Variants in CDH18 observed in about 807,000 individuals in gnomAD.
CDH18 encodes the protein cadherin 18.
In CDH18, 31 loss-of-function variants were observed where a neutral mutation model predicts 67.9. The ratio of observed to expected loss-of-function variants is 0.46; its 90% CI spans 0.34 to 0.62. CDH18 has a LOEUF of 0.62. CDH18 is among the 20% of genes least tolerant of loss of function. CDH18 has a pLI of 0.01. For missense variants in CDH18, 890 were observed against 975.5 expected, an observed-to-expected ratio of 0.91 and a Z score of 1.17; for synonymous variants, 362 against 347.2, an observed-to-expected ratio of 1.04 and a Z score of -0.48.
intron 1 of CDH18, among the ~76,000 whole-genome samples, chr5:20,544,601 C>G (rs1757236880): frequency 6.6e-6 from 1 of 152,056 alleles, no homozygotes; most frequent in African/African-American, 2.4e-5. Context: ...GAAAGTGCCA[C>G]ACTTTTAAAA....
chr5:20,110,515 A>G (rs1481499877), intron 2 of CDH18, among the ~76,000 whole-genome samples: 1 of 152,062 alleles, frequency 6.6e-6, no homozygotes, highest in Non-Finnish European at 1.5e-5. Flanking sequence ...AAACCCTATC[A>G]CTACTAAAAA....
At chr5:19,809,301 C>T (rs1778383967) in intron 3 of CDH18, among the ~76,000 whole-genome samples, 1 of 152,130 alleles carries the variant, frequency 6.6e-6, no homozygotes, top group African/African-American at 2.4e-5. Flanking sequence ...TAACTAAGTA[C>T]ACGCTCTAGG....
chr5:19,550,457 C>A (rs1360518705), intron 8 of CDH18, among the ~76,000 whole-genome samples: 1 of 151,056 alleles, frequency 6.6e-6, no homozygotes, highest in Non-Finnish European at 1.5e-5. Flanking sequence ...TGTTCCCCTT[C>A]CTGTGTCCAT....
chr5:19,473,730 G>GA lies in CDH18; in HGVS notation c.1883-15dup. On this transcript the variant is annotated splice_polypyrimidine_tract_variant and intron_variant, in intron 12 of 12. Transcript: ENST00000382275. Reference sequence around the variant, plus strand: ...GTACCACAATTGCTGAGGAAGAATGGAAAAAGGATGAAGAATTAAGAAAAC... The same window carrying GA: ...GTACCACAATTGCTGAGGAAGAATGGAAAAAAGGATGAAGAATTAAGAAAAC... 6.4e-7 allele frequency: 1 copy of GA among 1,557,898 alleles called. No homozygotes were observed. The highest frequency in any genetic ancestry group is 8.7e-7 in the Non-Finnish European group (1 of 1,154,064).
chr5:19,992,687 A>G (rs1317661223), upstream of CDH18, among the ~76,000 whole-genome samples: 1 of 152,114 alleles, frequency 6.6e-6, no homozygotes, highest in Non-Finnish European at 1.5e-5. Context: ...TTTGCATTAC[A>G]TTCACAAATA....
At chr5:20,418,865 T>C (rs778878480) in intron 1 of CDH18, among the ~76,000 whole-genome samples, 10 of 152,058 alleles carry the variant, frequency 6.6e-5, no homozygotes, top group Non-Finnish European at 1.0e-4. Flanking sequence ...GGGAGATGAA[T>C]TGATCCTGAG....
intron 1 of CDH18, among the ~76,000 whole-genome samples, chr5:20,334,520 A>G (rs1739528380): frequency 6.6e-6 from 1 of 152,094 alleles, no homozygotes; most frequent in East Asian, 1.9e-4. Flanking sequence ...TAACTCAGGA[A>G]AAAACGATTG....
At chr5:19,853,665 A>T (rs966184494) in intron 2 of CDH18, among the ~76,000 whole-genome samples, 1 of 152,146 alleles carries the variant, frequency 6.6e-6, no homozygotes, top group Non-Finnish European at 1.5e-5. Context: ...CTCAGGTCTG[A>T]AACCTGTGTG....
intron 2 of CDH18, among the ~76,000 whole-genome samples, chr5:20,065,061 C>T (rs2150515048): frequency 6.6e-6 from 1 of 152,140 alleles, no homozygotes; most frequent in Non-Finnish European, 1.5e-5. Flanking sequence ...GATGCTTTCT[C>T]TCTTCTTGCA....
intron 2 of CDH18, among the ~76,000 whole-genome samples, chr5:20,200,553 G>A (rs1048737950): frequency 2.0e-5 from 3 of 152,076 alleles, no homozygotes; most frequent in African/African-American, 7.2e-5. Context: ...GTGTGTATCT[G>A]TAGTCTCAGC....
intron 2 of CDH18, among the ~76,000 whole-genome samples, chr5:20,078,836 G>A (rs1270789426): frequency 2.0e-5 from 3 of 152,068 alleles, no homozygotes; most frequent in African/African-American, 7.2e-5. Context: ...GGCTGGTCTT[G>A]AACTCCTGAT....
chr5:20,446,993 A>G (rs1425990573), intron 1 of CDH18, among the ~76,000 whole-genome samples: 3 of 152,148 alleles, frequency 2.0e-5, no homozygotes, highest in African/African-American at 7.2e-5. Flanking sequence ...TGAAAGTTAT[A>G]CCATTTGCTT....
chr5:20,019,086 C>CG (rs1561718499), intron 2 of CDH18, among the ~76,000 whole-genome samples: 4 of 142,332 alleles, frequency 2.8e-5, no homozygotes, highest in African/African-American at 1.1e-4. Context: ...CGTGAGCCAC[C>CG]GCGCCCGGCC....
intron 2 of CDH18, among the ~76,000 whole-genome samples, chr5:19,875,395 T>TACAG (rs1786828280): frequency 6.8e-5 from 10 of 147,638 alleles, no homozygotes; most frequent in Non-Finnish European, 1.3e-4. Flanking sequence ...CTTCCATGGG[T>TACAG]ATAGATAGAT....
intron 3 of CDH18, among the ~76,000 whole-genome samples, chr5:19,749,319 GTTATA>G (rs1182011136): frequency 4.0e-5 from 6 of 151,332 alleles, no homozygotes; most frequent in African/African-American, 7.3e-5. Flanking sequence ...TTATTATGTT[GTTATA>G]TTATATATAA....
Position 19,887,979 on chromosome 5 carries a change from T to C in CDH18, c.-256-48737A>G, listed in dbSNP as rs528087729. 8.5e-5 allele frequency among the ~76,000 whole-genome samples: 13 copies of C among 152,236 alleles called. No individual in the cohort carries two copies. The South Asian group carries it at 1.4e-3, about 17-fold the overall frequency. ...GTCAAAAAGGCCATGCATACACAAT[T>C]GCATGGTGTGGCCACCACCTATATC... is the stretch of plus-strand genomic sequence containing the variant. On this transcript the variant is annotated intron_variant, in intron 2 of 12. Transcript: ENST00000382275.
At chr5:19,614,403 T>C (rs941718762) in intron 5 of CDH18, among the ~76,000 whole-genome samples, 36 of 151,288 alleles carry the variant, frequency 2.4e-4, no homozygotes, top group Non-Finnish European at 4.1e-4. Flanking sequence ...TAATAAATGA[T>C]TCATCTAACT....
At chr5:19,841,303 G>A (rs957369868) in intron 2 of CDH18, among the ~76,000 whole-genome samples, 5 of 152,102 alleles carry the variant, frequency 3.3e-5, no homozygotes, top group Admixed American at 2.0e-4. Flanking sequence ...AAATATAAGA[G>A]AGAGCAATAC....
At chr5:20,437,623 G>T (rs923668538) in intron 1 of CDH18, among the ~76,000 whole-genome samples, 1 of 151,270 alleles carries the variant, frequency 6.6e-6, no homozygotes, top group Non-Finnish European at 1.5e-5. Flanking sequence ...TGAATCCAAT[G>T]TTCTCCAAGT....
Sources: gnomAD v4.1 joint callset for allele counts (sites outside exome capture counted in the v4.1 genomes callset) on GRCh38, gnomAD v4.1.1 for gene constraint, MANE v1.5 for transcripts, NCBI Gene and HGNC (gene_info 2026-07-23, HGNC 2026-07-21) for gene names.